TSEN34: variants seen among roughly 807,000 people sequenced by gnomAD.
TSEN34 encodes the protein tRNA splicing endonuclease subunit 34, also known as tRNA-splicing endonuclease subunit Sen34.
A neutral mutation model predicts 30.2 loss-of-function variants in TSEN34; 25 were observed. The observed-to-expected ratio is 0.83, with a 90% CI of 0.60 to 1.16. The LOEUF is 1.16. TSEN34 is among the 50% of genes most tolerant of loss of function. The pLI is 0.00. For synonymous variants in TSEN34, 209 were observed against 177.4 expected (o/e 1.18, Z -1.41); for missense variants, 475 against 411.9 (o/e 1.15, Z -1.33).
chr19:54,189,676 T>G (rs40357), upstream of TSEN34: 2 of 153,230 alleles, frequency 1.3e-5, no homozygotes, highest in Non-Finnish European at 2.9e-5. Context: ...AGACGGGCTC[T>G]GGAAAGGAGG....
chr19:54,192,421 C>G (rs1174387097), intron 3 of TSEN34, 48 bp downstream of exon 3: 2 of 1,608,436 alleles, frequency 1.2e-6, no homozygotes, highest in Non-Finnish European at 1.7e-6. Flanking sequence ...CCATACGATC[C>G]CAATGTATTC....
chr19:54,191,489 A>C lies in TSEN34; in HGVS notation c.125A>C (p.Gln42Pro). ...TVGALPRGPR[Q>P]NSRLGLPLLL... ...GGCGCCCTGCCCCGCGGGCCCCGCCAGAACTCGCGCCTGGGCCTCCCGCTG... is the reference window on the plus strand; with the variant it reads ...GGCGCCCTGCCCCGCGGGCCCCGCCCGAACTCGCGCCTGGGCCTCCCGCTG... The change falls in exon 1 of 4, where the codon CAG becomes CCG. Residue 42 changes from glutamine (Q) to proline (P), a missense_variant. Transcript: ENST00000396388. 6.4e-7 allele frequency: 1 copy of C among 1,565,256 alleles called. No individual in the cohort carries two copies. Among genetic ancestry groups the C allele is most frequent in the Non-Finnish European group, 8.6e-7 (1 of 1,159,192 alleles).
At chr19:54,190,009 T>G, upstream of TSEN34, 3 of 496,726 alleles carry the variant, frequency 6.0e-6, no homozygotes, top group South Asian at 7.5e-5. Context: ...GTCAACAGGT[T>G]CGCCAGACAC....
upstream of TSEN34, chr19:54,190,408 T>G: frequency 6.8e-7 from 1 of 1,469,782 alleles, no homozygotes. Flanking sequence ...AGTGGGACAT[T>G]CTGAAGGGAG....
In TSEN34 at chr19:54,193,550, T is replaced by C; in HGVS notation, c.*188T>C. 6.5e-7 allele frequency: 1 copy of C among 1,535,430 alleles called. No homozygotes were observed. The highest frequency in any genetic ancestry group is 2.0e-5 in the Admixed American group (1 of 50,820). On this transcript the variant is annotated 3_prime_UTR_variant, in exon 4 of 4. Coordinates refer to ENST00000396388, the MANE Select transcript of TSEN34 (RefSeq NM_001077446.4). ...TCAAAGCACTTATTGGCTGTGTTTTTGTAGTTACCTATTTTCACACTGTGA... is the reference window on the plus strand; with the variant it reads ...TCAAAGCACTTATTGGCTGTGTTTTCGTAGTTACCTATTTTCACACTGTGA...
chr19:54,192,268 C>T lies in TSEN34; in HGVS notation c.640C>T (p.Arg214Cys), dbSNP rs371900485. The T allele has an allele frequency of 1.1e-4, 182 of 1,613,976 alleles. No individual in the cohort carries two copies. The highest frequency in any genetic ancestry group is 1.6e-4 in the Middle Eastern group (1 of 6,070). Reference sequence around the variant, plus strand: ...GTCTAAAGACTGGCCCCACGCCGGCCGCCCTGCCCACGAGCTGCGCTACAG... The same window carrying T: ...GTCTAAAGACTGGCCCCACGCCGGCTGCCCTGCCCACGAGCTGCGCTACAG... Reference protein sequence around the residue: ...VQSKDWPHAGRPAHELRYSIY... With the variant: ...VQSKDWPHAGCPAHELRYSIY... Residue 214 changes from arginine (R) to cysteine (C), a missense_variant, in exon 3 of 4, where the codon CGC (arginine) becomes TGC (cysteine). Physicochemically the swap from Arg to Cys is radical, Grantham distance 180. Coordinates refer to ENST00000396388, the MANE Select transcript of TSEN34 (RefSeq NM_001077446.4).
Position 54,194,209 on chromosome 19 carries a change from GTA to G in TSEN34, c.*855_*856del, listed in dbSNP as rs746578183. Reference sequence around the variant, plus strand: ...TATATGTAAATATACACACATGTATGTATATATATGTGTGTGTATATATATAT... The same window carrying G: ...TATATGTAAATATACACACATGTATGTATATATGTGTGTGTATATATATAT... On this transcript the variant is annotated 3_prime_UTR_variant, in exon 4 of 4. Coordinates refer to ENST00000396388, the MANE Select transcript of TSEN34 (RefSeq NM_001077446.4). 270 of 153,482 alleles carry G rather than the reference GTA, an allele frequency of 1.8e-3. 2 individuals carry two copies. The highest frequency in any genetic ancestry group is 3.0e-3 in the Admixed American group (47 of 15,512). The allele number at this position is 153,482 out of a possible 1,614,324, so 9.5% of individuals were successfully genotyped here.
Position 54,193,234 on chromosome 19 carries a change from A to G in TSEN34, c.805A>G (p.Ile269Val), listed in dbSNP as rs2076773791. 1 of 1,613,960 alleles carries G rather than the reference A, an allele frequency of 6.2e-7. No individual in the cohort carries two copies. Residue 269 changes from isoleucine (I) to valine (V), a missense_variant, in exon 4 of 4, where the codon ATC becomes GTC. Coordinates refer to ENST00000396388, the MANE Select transcript of TSEN34 (RefSeq NM_001077446.4). The stretch of plus-strand genomic sequence containing the variant: ...TCAGTGCTGGGCCCCTGAGGACACC[A>G]TCCCACTCCAAGACCTGGTTGCTGC... ...IAQCWAPEDT[I>V]PLQDLVAAGR...
chr19:54,193,559 C>G lies in TSEN34; in HGVS notation c.*197C>G, dbSNP rs1354181289. 1.3e-6 allele frequency: 2 copies of G among 1,531,246 alleles called. No homozygotes were observed. Among genetic ancestry groups the G allele is most frequent in the Non-Finnish European group, 1.8e-6 (2 of 1,142,330 alleles). 94.9% of individuals were successfully genotyped at this position (1,531,246 alleles called of 1,614,324 possible). A position where few individuals can be genotyped will look rare whatever the true frequency, so the allele number is the denominator to read the frequency against. On this transcript the variant is annotated 3_prime_UTR_variant, in exon 4 of 4. Coordinates refer to ENST00000396388, the MANE Select transcript of TSEN34 (RefSeq NM_001077446.4). ...TTATTGGCTGTGTTTTTGTAGTTAC[C>G]TATTTTCACACTGTGAGCTTCCCGA...
At position 54,191,797 on chromosome 19, in the gene TSEN34, C is replaced by T. The variant is rs1342913445; in HGVS notation, c.320C>T (p.Thr107Ile). 3 of 1,614,182 alleles carry T rather than the reference C, an allele frequency of 1.9e-6. No individual in the cohort carries two copies. The highest frequency in any genetic ancestry group is 2.5e-6 in the Non-Finnish European group (3 of 1,180,026). Residue 107 changes from threonine to isoleucine, a missense_variant, in exon 2 of 4, where the codon ACC becomes ATC. Physicochemically the swap from Thr to Ile is moderately conservative, Grantham distance 89. Transcript: ENST00000396388. ...GCCTTGGCAGCTGAGGCCCGGGAGACCCGTCGTCAGGAGCTCCTGGAGAAG... is the reference window on the plus strand; with the variant it reads ...GCCTTGGCAGCTGAGGCCCGGGAGATCCGTCGTCAGGAGCTCCTGGAGAAG... ...QSALAAEARE[T>I]RRQELLEKIT...
rs1231257324 is a variant in TSEN34, at chr19:54,191,958, GA to G, written c.483del (p.Ala162LeufsTer14). 1 of 1,614,058 alleles carries G rather than the reference GA, an allele frequency of 6.2e-7. No individual in the cohort carries two copies. Among genetic ancestry groups the G allele is most frequent in the Non-Finnish European group, 8.5e-7 (1 of 1,180,010 alleles). ...SDGQASGEQE[E>X]AGPSSSQAGP... ...TGGCCAGGCTTCGGGAGAGCAGGAGGAAGCTGGTGAGCATGGGAGGTGGAGT... is the reference window on the plus strand; with the variant it reads ...TGGCCAGGCTTCGGGAGAGCAGGAGGAGCTGGTGAGCATGGGAGGTGGAGT... On this transcript the variant is annotated frameshift_variant, in exon 2 of 4. Transcript: ENST00000396388. LOFTEE classifies it high-confidence loss of function.
Position 54,192,232 on chromosome 19 carries a change from T to G in TSEN34, c.604T>G (p.Trp202Gly). 6.2e-7 allele frequency: 1 copy of G among 1,614,038 alleles called. No homozygotes were observed. The highest frequency in any genetic ancestry group is 1.3e-5 in the African/African-American group (1 of 75,046). The change falls in exon 3 of 4, where the codon TGG becomes GGG. Residue 202 changes from tryptophan (W) to glycine (G), a missense_variant. Trp to Gly is a radical substitution (Grantham distance 184). Coordinates refer to ENST00000396388, the MANE Select transcript of TSEN34 (RefSeq NM_001077446.4). The part of the protein sequence containing the change: ...PRPVKARPLD[W>G]RVQSKDWPHA... ...ACCGGTCAAGGCCAGGCCCCTGGAC[T>G]GGCGTGTCCAGTCTAAAGACTGGCC...
At chr19:54,191,060 A>T, upstream of TSEN34, 1 of 1,265,590 alleles carries the variant, frequency 7.9e-7, no homozygotes, top group Admixed American at 4.2e-5. Flanking sequence ...GTGCGGGCAC[A>T]GAGCGGGTGC....
chr19:54,190,656 C>T (rs548916596), upstream of TSEN34: 46 of 1,249,282 alleles, frequency 3.7e-5, no homozygotes, highest in African/African-American at 4.7e-5. Context: ...GCTACGGATT[C>T]GGCCGAGCCG....
At chr19:54,190,766 G>C, upstream of TSEN34, 1 of 1,164,552 alleles carries the variant, frequency 8.6e-7, no homozygotes, top group South Asian at 3.2e-5. Flanking sequence ...CTGTGCTCGG[G>C]AGGGGGCAGG....
At chr19:54,189,947 C>A (rs1016289339), upstream of TSEN34, 14 of 312,852 alleles carry the variant, frequency 4.5e-5, no homozygotes, top group Admixed American at 4.4e-4. Flanking sequence ...CCACAAGCTT[C>A]GGTTTACTTC....
At chr19:54,190,556 C>T (rs1443944479), upstream of TSEN34, 10 of 1,222,818 alleles carry the variant, frequency 8.2e-6, no homozygotes, top group South Asian at 5.8e-5. Flanking sequence ...GGTGCGCTGG[C>T]GCTCGGAGGG....
intron 3 of TSEN34, 87 bp downstream of exon 3, chr19:54,192,460 T>A: frequency 6.5e-7 from 1 of 1,531,830 alleles, no homozygotes; most frequent in South Asian, 1.1e-5. Flanking sequence ...TTTTTTTGTC[T>A]TAATAGAGGT....
intron 3 of TSEN34, 62 bp downstream of exon 3, chr19:54,192,435 G>A (rs1263921543): frequency 1.3e-6 from 2 of 1,524,802 alleles, no homozygotes; most frequent in South Asian, 1.2e-5. Context: ...TGTATTCTGC[G>A]TTTTTCTTTT....
Sources: allele counts gnomAD v4.1 joint callset, GRCh38; gene constraint gnomAD v4.1.1; transcripts MANE v1.5; gene names NCBI Gene and HGNC (gene_info 2026-07-23, HGNC 2026-07-21).